Variants in SMIM35 observed in about 807,000 individuals in gnomAD.
SMIM35 encodes the protein small integral membrane protein 35.
intron 4 of SMIM35, 53 bp downstream of exon 4, chr11:118,013,695 G>A (rs1216249447): frequency 5.0e-6 from 2 of 397,708 alleles, no homozygotes; most frequent in East Asian, 7.1e-5. Flanking sequence ...GACCCTCTTA[G>A]GACCTTACTT....
chr11:118,058,125 A>G (rs534716925), intron 1 of SMIM35, among the ~76,000 whole-genome samples: 1 of 152,202 alleles, frequency 6.6e-6, no homozygotes, highest in East Asian at 1.9e-4. Context: ...AAGTTTTGTA[A>G]TTGTTTTAAA....
intron 1 of SMIM35, among the ~76,000 whole-genome samples, chr11:118,052,443 A>G (rs1324838414): frequency 1.3e-5 from 2 of 152,158 alleles, no homozygotes; most frequent in African/African-American, 2.4e-5. Context: ...CAGGAGGCCA[A>G]CAAGCTAAGC....
chr11:118,086,089 C>G (rs1328168032), intron 1 of SMIM35, among the ~76,000 whole-genome samples: 2 of 152,268 alleles, frequency 1.3e-5, no homozygotes, highest in African/African-American at 4.8e-5. Context: ...TGTACAAATA[C>G]CTCACTCCTG....
At chr11:118,035,092 T>C (rs1396829034) in intron 1 of SMIM35, among the ~76,000 whole-genome samples, 1 of 151,862 alleles carries the variant, frequency 6.6e-6, no homozygotes, top group Non-Finnish European at 1.5e-5. Context: ...GCTGGGACCG[T>C]AGGCATCCGC....
intron 1 of SMIM35, chr11:118,076,917 T>G (rs1278251293): frequency 1.0e-5 from 2 of 200,678 alleles, no homozygotes; most frequent in South Asian, 1.4e-4. Flanking sequence ...TTGTTACGCC[T>G]TAGGTGTGTC....
intron 1 of SMIM35, among the ~76,000 whole-genome samples, chr11:118,033,983 A>G (rs1443839139): frequency 6.6e-6 from 1 of 152,188 alleles, no homozygotes; most frequent in Non-Finnish European, 1.5e-5. Flanking sequence ...TTTATTTAAA[A>G]TAGGCCAGGC....
intron 1 of SMIM35, among the ~76,000 whole-genome samples, chr11:118,063,536 G>C (rs1944424391): frequency 6.6e-6 from 1 of 152,170 alleles, no homozygotes. Context: ...TCCAAAGGTT[G>C]TCTTTTTGTG....
chr11:118,081,226 T>C (rs541235110), intron 1 of SMIM35, among the ~76,000 whole-genome samples: 5 of 152,302 alleles, frequency 3.3e-5, no homozygotes, highest in Non-Finnish European at 2.9e-5. Flanking sequence ...TTGGAAAACA[T>C]ACCAGATCTA....
chr11:118,049,375 G>A (rs1944172065), intron 1 of SMIM35, among the ~76,000 whole-genome samples: 2 of 115,154 alleles, frequency 1.7e-5, no homozygotes, highest in Admixed American at 2.3e-4. Flanking sequence ...TTGAGACAGA[G>A]CCTTGCTCTG....
At chr11:118,054,804 G>GA (rs1438785348) in intron 1 of SMIM35, among the ~76,000 whole-genome samples, 1 of 131,940 alleles carries the variant, frequency 7.6e-6, no homozygotes, top group Non-Finnish European at 1.6e-5. Context: ...ATATTTTCAG[G>GA]ATTTTTTTTT....
chr11:118,058,747 G>A (rs1226165462), intron 1 of SMIM35, among the ~76,000 whole-genome samples: 1 of 152,128 alleles, frequency 6.6e-6, no homozygotes, highest in Non-Finnish European at 1.5e-5. Flanking sequence ...AACTGCTCTG[G>A]GAGATGACCA....
intron 1 of SMIM35, chr11:118,059,388 G>A (rs890278293): frequency 1.3e-5 from 2 of 152,298 alleles, no homozygotes; most frequent in Non-Finnish European, 2.9e-5. Flanking sequence ...CAGGTGCTGA[G>A]AGGAGGGAAG....
In SMIM35 at chr11:118,028,958, G is replaced by A. The variant is rs866301926; in HGVS notation, c.8-13149C>T. ...GGAAGAGGAGGAGGAGGAGAAATTCGTGGCTATGTTGTTTCGGGTAAAAAT... is the reference window on the plus strand; with the variant it reads ...GGAAGAGGAGGAGGAGGAGAAATTCATGGCTATGTTGTTTCGGGTAAAAAT... On this transcript the variant is annotated intron_variant, in intron 1 of 4. Transcript: ENST00000689828. 9 of 406,946 alleles carry A rather than the reference G, an allele frequency of 2.2e-5. No individual in the cohort carries two copies. In the Middle Eastern group the frequency reaches 2.8e-3, roughly 127 times the overall value. The allele number at this position is 406,946 out of a possible 1,614,324, so 25.2% of individuals were successfully genotyped here.
chr11:118,068,465 T>C (rs753923446), intron 1 of SMIM35, among the ~76,000 whole-genome samples: 6 of 152,168 alleles, frequency 3.9e-5, no homozygotes, highest in Admixed American at 6.5e-5. Flanking sequence ...GTGTCCTCAG[T>C]GTCCAGCACA....
chr11:118,024,944 G>C (rs1286465589), intron 1 of SMIM35, among the ~76,000 whole-genome samples: 1 of 150,244 alleles, frequency 6.7e-6, no homozygotes, highest in Non-Finnish European at 1.5e-5. Context: ...CCGATCTAGT[G>C]GTCCCCAGTG....
rs1326902319 is a variant in SMIM35 at position 118,038,046 on chromosome 11, A to G, written c.8-22237T>C. Among the ~76,000 whole-genome samples, 5 of 152,188 alleles carry G rather than the reference A, an allele frequency of 3.3e-5. No homozygotes were observed. The South Asian group carries it at 6.2e-4, about 19-fold the overall frequency. The stretch of plus-strand genomic sequence containing the variant: ...TGGTCATGTCCATTTCTTATGTATT[A>G]AAAGCCCTCAGTGATTCAATTAGAT... On this transcript the variant is annotated intron_variant, in intron 1 of 4. Transcript: ENST00000689828.
intron 1 of SMIM35, among the ~76,000 whole-genome samples, chr11:118,075,638 G>GTTT (rs1157908635): frequency 6.6e-6 from 1 of 151,978 alleles, no homozygotes; most frequent in Non-Finnish European, 1.5e-5. Flanking sequence ...TGGGGTTGTT[G>GTTT]TTGGAGAATT....
chr11:118,026,748 G>T (rs944429874), intron 1 of SMIM35, among the ~76,000 whole-genome samples: 2 of 152,080 alleles, frequency 1.3e-5, no homozygotes, highest in Admixed American at 6.6e-5. Flanking sequence ...CAGGAGAATT[G>T]CTTGAGCCCA....
At chr11:118,025,004 C>T (rs143375397) in intron 1 of SMIM35, among the ~76,000 whole-genome samples, 239 of 152,208 alleles carry the variant, frequency 1.6e-3, no homozygotes, top group Middle Eastern at 0.01. Flanking sequence ...TCACTTGTAA[C>T]GGAAAACATG....
Sources: allele counts gnomAD v4.1 joint callset (sites outside exome capture counted in the v4.1 genomes callset), GRCh38; gene constraint gnomAD v4.1.1; transcripts MANE v1.5; gene names NCBI Gene and HGNC (gene_info 2026-07-23, HGNC 2026-07-21).